Variants in LINGO2 observed in about 807,000 individuals in gnomAD.
LINGO2 encodes the protein leucine rich repeat and Ig domain containing 2, also known as leucine-rich repeat and immunoglobulin-like domain-containing nogo receptor-interacting protein 2.
Under a neutral mutation model 30.6 loss-of-function variants are expected in LINGO2, and 14 were observed. The ratio of observed to expected loss-of-function variants is 0.46; its 90% CI spans 0.30 to 0.72. The LOEUF (loss-of-function observed/expected upper bound fraction) is 0.72, where lower values mean the gene tolerates loss of function less well. LINGO2 is among the 30% of genes least tolerant of loss of function. The pLI is 0.07. For missense variants in LINGO2, 729 were observed against 751.7 expected (o/e 0.97, Z 0.35); for synonymous variants, 317 against 288.5 (o/e 1.10, Z -1.00).
chr9:28,596,762 A>T (rs1306257332), intron 1 of LINGO2, among the ~76,000 whole-genome samples: 2 of 152,190 alleles, frequency 1.3e-5, no homozygotes, highest in Non-Finnish European at 2.9e-5. Context: ...CATTATCTTT[A>T]TAAGTATATG....
intron 4 of LINGO2, among the ~76,000 whole-genome samples, chr9:28,050,462 A>G (rs1333830454): frequency 6.6e-6 from 1 of 150,846 alleles, no homozygotes; most frequent in Non-Finnish European, 1.5e-5. Context: ...AAAAGCTATT[A>G]ATGTCATTCA....
chr9:28,557,697 T>C (rs867679195), intron 1 of LINGO2, among the ~76,000 whole-genome samples: 3,523 of 150,788 alleles, frequency 0.023, 119 homozygotes, highest in African/African-American at 0.07. Flanking sequence ...CACATGCACA[T>C]GTATGTTTAT....
At chr9:28,966,326 GTAA>G in the LINGO2 span, among the ~76,000 whole-genome samples, 78,506 of 151,740 alleles carry the variant, frequency 0.52, 21,424 homozygotes, top group Non-Finnish European at 0.6. Flanking sequence ...GAATCACACA[GTAA>G]TAATTAGTAG....
At chr9:29,186,743 T>G in the LINGO2 span, among the ~76,000 whole-genome samples, 1,019 of 152,006 alleles carry the variant, frequency 6.7e-3, 15 homozygotes, top group African/African-American at 0.023. Context: ...TTAGAAAGAT[T>G]GTCTGCATCC....
intron 4 of LINGO2, among the ~76,000 whole-genome samples, chr9:28,084,134 C>T (rs1456422465): frequency 6.6e-6 from 1 of 152,004 alleles, no homozygotes; most frequent in Non-Finnish European, 1.5e-5. Context: ...AGAAGGCAAC[C>T]ATATATACAG....
At chr9:28,880,946 C>A in the LINGO2 span, among the ~76,000 whole-genome samples, 1 of 152,120 alleles carries the variant, frequency 6.6e-6, no homozygotes, top group East Asian at 1.9e-4. Flanking sequence ...GACATAGATT[C>A]TTTTGCTCAC....
At chr9:28,915,020 T>C in the LINGO2 span, among the ~76,000 whole-genome samples, 1 of 152,054 alleles carries the variant, frequency 6.6e-6, no homozygotes. Context: ...TAGTCCCAGC[T>C]ACTTGGGAGG....
chr9:28,742,123 T>A, the LINGO2 span, among the ~76,000 whole-genome samples: 5 of 152,004 alleles, frequency 3.3e-5, no homozygotes, highest in African/African-American at 1.2e-4. Context: ...TTTACTATGG[T>A]GAACCTGGTC....
At chr9:28,874,525 A>G in the LINGO2 span, among the ~76,000 whole-genome samples, 1 of 152,042 alleles carries the variant, frequency 6.6e-6, no homozygotes, top group African/African-American at 2.4e-5. Flanking sequence ...ATATTTATAT[A>G]TAACAAAATC....
At chr9:28,529,331 T>G (rs998499058) in intron 1 of LINGO2, among the ~76,000 whole-genome samples, 3 of 152,170 alleles carry the variant, frequency 2.0e-5, no homozygotes, top group South Asian at 2.1e-4. Context: ...ATTACTTAAC[T>G]ATTTAAGGCT....
chr9:28,012,447 C>A (rs1822605174), intron 4 of LINGO2: 1 of 151,866 alleles, frequency 6.6e-6, no homozygotes, highest in Non-Finnish European at 1.5e-5. Context: ...AAGTTAGAGT[C>A]TTCTAGGTTC....
chr9:28,584,508 C>T (rs1326859545), intron 1 of LINGO2, among the ~76,000 whole-genome samples: 2 of 151,918 alleles, frequency 1.3e-5, no homozygotes, highest in African/African-American at 4.8e-5. Flanking sequence ...TATTGCAGTA[C>T]TCTTGCTTAA....
chr9:28,533,297 C>G (rs1164143214), intron 1 of LINGO2, among the ~76,000 whole-genome samples: 2 of 152,248 alleles, frequency 1.3e-5, no homozygotes, highest in South Asian at 4.1e-4. Context: ...TGACCACAGA[C>G]TGAAGGCTGC....
intron 2 of LINGO2, among the ~76,000 whole-genome samples, chr9:28,373,202 G>A (rs1469683914): frequency 6.6e-6 from 1 of 152,128 alleles, no homozygotes; most frequent in African/African-American, 2.4e-5. Context: ...AATTATATAG[G>A]CAGCACTTAT....
At chr9:28,249,763 T>G (rs928603839) in intron 4 of LINGO2, among the ~76,000 whole-genome samples, 3 of 152,178 alleles carry the variant, frequency 2.0e-5, no homozygotes, top group East Asian at 3.9e-4. Flanking sequence ...TATCATTCTT[T>G]TAGTCAGAAG....
chr9:28,379,532 C>G (rs1821260665), intron 2 of LINGO2, among the ~76,000 whole-genome samples: 1 of 152,056 alleles, frequency 6.6e-6, no homozygotes, highest in South Asian at 2.1e-4. Flanking sequence ...CTCCCCTGCC[C>G]TCCTCCCCAA....
chr9:28,125,228 T>C (rs1352471748), intron 4 of LINGO2, among the ~76,000 whole-genome samples: 1 of 152,234 alleles, frequency 6.6e-6, no homozygotes, highest in Non-Finnish European at 1.5e-5. Context: ...GCTATAAATT[T>C]CTTTAGACCT....
chr9:27,981,547 AAAAGAAAAAAAAG>A (rs1820862751), intron 5 of LINGO2, among the ~76,000 whole-genome samples: 4 of 121,802 alleles, frequency 3.3e-5, no homozygotes, highest in African/African-American at 1.2e-4. Context: ...AAAAAAAAAA[AAAAGAAAAAAAAG>A]AAAAAAAAAG....
chr9:28,596,141 T>A (rs976295759), intron 1 of LINGO2, among the ~76,000 whole-genome samples: 1 of 152,102 alleles, frequency 6.6e-6, no homozygotes, highest in African/African-American at 2.4e-5. Flanking sequence ...ATTATAACTA[T>A]TTTTTTGAAC....
Sources: allele counts gnomAD v4.1 joint callset (sites outside exome capture counted in the v4.1 genomes callset), GRCh38; gene constraint gnomAD v4.1.1; transcripts MANE v1.5; gene names NCBI Gene and HGNC (gene_info 2026-07-23, HGNC 2026-07-21).